RP1: variants seen among roughly 807,000 people sequenced by gnomAD.
RP1 encodes RP1 axonemal microtubule associated.
In RP1, 16 loss-of-function variants were observed where a neutral mutation model predicts 14.8. The ratio of observed to expected loss-of-function variants is 1.08; its 90% CI spans 0.73 to 1.65. The LOEUF is 1.65. Among genes scored for constraint, RP1 ranks in the 40% most tolerant of loss-of-function variants. The pLI is 0.00. For missense variants in RP1, 2,631 were observed against 2,535.0 expected, an observed-to-expected ratio of 1.04 and a Z score of -0.81; for synonymous variants, 876 against 883.6, an observed-to-expected ratio of 0.99 and a Z score of 0.15.
Position 54,627,019 on chromosome 8 carries a change from G to T in RP1, c.3137G>T (p.Gly1046Val). ...AGTCATATAGCTGCTGAAAAATCAGGACCAGAGAAAAAACTTGTTTACCAG... is the reference window on the plus strand; with the variant it reads ...AGTCATATAGCTGCTGAAAAATCAGTACCAGAGAAAAAACTTGTTTACCAG... ...TKSHIAAEKS[G>V]PEKKLVYQEI... The change falls in exon 4 of 4, where the codon GGA becomes GTA. Residue 1046 changes from glycine (G) to valine (V), a missense_variant. Physicochemically the swap from Gly to Val is moderately radical, Grantham distance 109. Transcript: ENST00000220676. The T allele has an allele frequency of 6.2e-7, 1 of 1,613,860 alleles. No homozygotes were observed. Among genetic ancestry groups the T allele is most frequent in the South Asian group, 1.1e-5 (1 of 91,056 alleles).
chr8:54,604,650 A>G (rs868657310), intron 1 of RP1, among the ~76,000 whole-genome samples: 1 of 152,134 alleles, frequency 6.6e-6, no homozygotes, highest in African/African-American at 2.4e-5. Context: ...AGAATTCGGC[A>G]GTCAATCCAT....
chr8:54,814,734 T>G (rs1357837228), intron 24 of RP1, among the ~76,000 whole-genome samples: 2 of 152,250 alleles, frequency 1.3e-5, no homozygotes, highest in Non-Finnish European at 2.9e-5. Flanking sequence ...TATTTTGTCC[T>G]TCTTTGGAGA....
Position 54,586,897 on chromosome 8 carries a change from C to T in RP1, c.-13+27577C>T, listed in dbSNP as rs62514573. On this transcript the variant is annotated intron_variant, in intron 1 of 22. Transcript: ENST00000636932. ...AATTTTCCAGGTGCCGTCTGTCACC[C>T]CTTTATTTGACTAGGAAAGGGAATT... Among the ~76,000 whole-genome samples the T allele has an allele frequency of 5.8e-3, 883 of 152,236 alleles. 13 individuals are homozygous for T. The highest frequency in any genetic ancestry group is 8.0e-3 in the Non-Finnish European group (546 of 68,028).
chr8:54,820,255 G>A (rs1317732070), intron 24 of RP1, among the ~76,000 whole-genome samples: 1 of 152,066 alleles, frequency 6.6e-6, no homozygotes, highest in Non-Finnish European at 1.5e-5. Context: ...GGCTGGGGGA[G>A]GGGTGAGGCA....
chr8:54,847,880 T>G (rs933455359), intron 25 of RP1, among the ~76,000 whole-genome samples: 1 of 152,248 alleles, frequency 6.6e-6, no homozygotes, highest in African/African-American at 2.4e-5. Context: ...TGCGGGGCTC[T>G]GAGTAGAGAA....
chr8:54,855,125 C>T (rs1013546500), intron 26 of RP1, among the ~76,000 whole-genome samples: 1 of 152,172 alleles, frequency 6.6e-6, no homozygotes, highest in Admixed American at 6.5e-5. Context: ...TATGAGTTGA[C>T]TACTCTAGGT....
At chr8:54,790,077 C>T (rs1296584408) in intron 24 of RP1, among the ~76,000 whole-genome samples, 1 of 152,142 alleles carries the variant, frequency 6.6e-6, no homozygotes, top group Non-Finnish European at 1.5e-5. Flanking sequence ...CCAGGGAAAG[C>T]AGCCTATAAC....
At chr8:54,734,722 C>A (rs1187011461) in exon 18 of RP1, 2 of 1,533,260 alleles carry the variant, frequency 1.3e-6, no homozygotes, top group Admixed American at 2.0e-5. Context: ...CTCTTCCTTC[C>A]AGGACACGAG....
chr8:54,800,694 T>G (rs1810684645), intron 24 of RP1, among the ~76,000 whole-genome samples: 1 of 152,236 alleles, frequency 6.6e-6, no homozygotes, highest in African/African-American at 2.4e-5. Flanking sequence ...TAGAATTTTC[T>G]TTGGTTCTTT....
chr8:54,684,623 T>G (rs941216400), intron 12 of RP1, among the ~76,000 whole-genome samples: 12 of 152,346 alleles, frequency 7.9e-5, no homozygotes, highest in African/African-American at 2.9e-4. Context: ...TATTATCTGA[T>G]GGCTGTTTGT....
chr8:54,720,597 T>C (rs1032589017), intron 16 of RP1, among the ~76,000 whole-genome samples: 4 of 152,208 alleles, frequency 2.6e-5, no homozygotes, highest in African/African-American at 4.8e-5. Context: ...GAATCTTTGT[T>C]TTTTAAGGAT....
chr8:54,734,954 A>T (rs918407423), intron 18 of RP1, among the ~76,000 whole-genome samples: 8 of 151,714 alleles, frequency 5.3e-5, no homozygotes, highest in Non-Finnish European at 1.0e-4. Flanking sequence ...TTGTAGAAAA[A>T]TTTGCTTTCT....
At chr8:54,834,615 AGAG>A (rs967301979) in intron 24 of RP1, among the ~76,000 whole-genome samples, 33 of 139,462 alleles carry the variant, frequency 2.4e-4, no homozygotes, top group African/African-American at 6.1e-4. Context: ...CAGGATGTGT[AGAG>A]GAGAAGAGTA....
rs542173360 is a variant in RP1 at position 54,816,733 on chromosome 8, G to GGAAC, written c.3616-20716_3616-20713dup. Among the ~76,000 whole-genome samples, 110 of 152,220 alleles carry GGAAC rather than the reference G, an allele frequency of 7.2e-4. 1 individual carries two copies. In the Middle Eastern group the frequency reaches 0.017, roughly 24 times the overall value. On this transcript the variant is annotated intron_variant, in intron 24 of 28. Coordinates refer to the RP1 transcript ENST00000637698. Reference sequence around the variant, plus strand: ...AGGAAATCTTTTAGAAACATAAACTGGAACATGTTATCTCCTGCTTTAAAT... The same window carrying GGAAC: ...AGGAAATCTTTTAGAAACATAAACTGGAACGAACATGTTATCTCCTGCTTTAAAT...
intron 25 of RP1, among the ~76,000 whole-genome samples, chr8:54,845,965 A>G (rs1811909076): frequency 6.6e-6 from 1 of 152,206 alleles, no homozygotes; most frequent in African/African-American, 2.4e-5. Flanking sequence ...GGAAGACTCA[A>G]TTCCATTCAA....
At chr8:54,779,707 T>C (rs908845208) in intron 23 of RP1, among the ~76,000 whole-genome samples, 1 of 152,142 alleles carries the variant, frequency 6.6e-6, no homozygotes. Context: ...AAGAAAACAT[T>C]GGGAAGGAAA....
intron 24 of RP1, among the ~76,000 whole-genome samples, chr8:54,794,849 G>T (rs543801722): frequency 2.0e-5 from 3 of 152,100 alleles, no homozygotes; most frequent in East Asian, 1.9e-4. Context: ...TCTGATAAGG[G>T]ATTAATATCC....
At chr8:54,661,063 C>T (rs964833033) in intron 6 of RP1, among the ~76,000 whole-genome samples, 1 of 151,062 alleles carries the variant, frequency 6.6e-6, no homozygotes, top group Non-Finnish European at 1.5e-5. Context: ...CTTGTAATCC[C>T]AGCACTTTGG....
At chr8:54,723,606 T>C (rs1201194587) in intron 16 of RP1, among the ~76,000 whole-genome samples, 1 of 152,240 alleles carries the variant, frequency 6.6e-6, no homozygotes, top group African/African-American at 2.4e-5. Flanking sequence ...ATGTGATTAG[T>C]TATTATACTG....
Sources: gnomAD v4.1 joint callset for allele counts (sites outside exome capture counted in the v4.1 genomes callset) on GRCh38, gnomAD v4.1.1 for gene constraint, MANE v1.5 for transcripts, NCBI Gene and HGNC (gene_info 2026-07-23, HGNC 2026-07-21) for gene names.